The following IGSF9 variants were observed in gnomAD, a reference collection of about 807,000 sequenced individuals.
IGSF9 encodes protein turtle homolog A.
Under a neutral mutation model 121.7 loss-of-function variants are expected in IGSF9, and 87 were observed. The observed-to-expected ratio is 0.71, with a 90% CI of 0.60 to 0.85. The LOEUF is 0.85. IGSF9 is among the 40% of genes least tolerant of loss of function. The pLI, the probability that IGSF9 is intolerant of heterozygous loss-of-function variation, is 0.00. For synonymous variants in IGSF9, 640 were observed against 648.4 expected, an observed-to-expected ratio of 0.99 and a Z score of 0.20; for missense variants, 1,462 against 1,565.3, an observed-to-expected ratio of 0.93 and a Z score of 1.11.
Position 159,929,403 on chromosome 1 carries a change from C to G in IGSF9, c.2327-10G>C. The stretch of plus-strand genomic sequence containing the variant: ...AAGATAAGAGGTGGATCTGGAAGGG[C>G]ATGAGAATAGTAGGTGACACAGGCA... On this transcript the variant is annotated splice_polypyrimidine_tract_variant and intron_variant, in intron 17 of 20. Coordinates refer to ENST00000368094, the MANE Select transcript of IGSF9 (RefSeq NM_001135050.2). The G allele has an allele frequency of 1.2e-6, 2 of 1,614,056 alleles. No homozygotes were observed. The highest frequency in any genetic ancestry group is 1.7e-6 in the Non-Finnish European group (2 of 1,179,940).
rs890318742 is a variant in IGSF9 at position 159,929,736 on chromosome 1, A to G, written c.2228T>C (p.Val743Ala). The G allele has an allele frequency of 6.9e-6, 11 of 1,601,850 alleles. No individual in the cohort carries two copies. The highest frequency in any genetic ancestry group is 9.4e-6 in the Non-Finnish European group (11 of 1,175,252). ...AAGGACGGCCACTCCCAGAAAGCAG[A>G]CTCCGCCCACCACGCCGGCCAGCAC... is the stretch of plus-strand genomic sequence containing the variant. ...QPVLAGVVGG[V>A]CFLGVAVLVS... The change falls in exon 17 of 21, where the codon GTC becomes GCC. Residue 743 changes from valine to alanine, a missense_variant. Transcript: ENST00000368094.
chr1:159,929,088 T>C, intron 18 of IGSF9, 70 bp from the exon 19 acceptor site: 1 of 1,477,812 alleles, frequency 6.8e-7, no homozygotes, highest in Non-Finnish European at 9.0e-7. Flanking sequence ...GCGTCAGGCC[T>C]TGAGAGGTTT....
At chr1:159,937,543 A>C in intron 4 of IGSF9, 143 bp downstream of exon 4, 1 of 846,586 alleles carries the variant, frequency 1.2e-6, no homozygotes, top group Non-Finnish European at 1.9e-6. Flanking sequence ...AAGTGAGCAA[A>C]CAAGGGCTCT....
At chr1:159,942,150 A>G (rs1211191899) in intron 3 of IGSF9, among the ~76,000 whole-genome samples, 2 of 152,248 alleles carry the variant, frequency 1.3e-5, no homozygotes, top group Non-Finnish European at 2.9e-5. Context: ...GGCCTCCTGC[A>G]GACTGCCCTC....
Position 159,927,833 on chromosome 1 carries a change from G to A in IGSF9, c.3285C>T (p.Asp1095=). 2 of 1,613,420 alleles carry A rather than the reference G, an allele frequency of 1.2e-6. No individual in the cohort carries two copies. The highest frequency in any genetic ancestry group is 2.2e-5 in the East Asian group (1 of 44,840). The change falls in exon 20 of 21, where the codon GAC becomes GAT. Residue 1095 remains aspartate (D), a synonymous_variant. Transcript: ENST00000368094. The stretch of plus-strand genomic sequence containing the variant: ...GGTGCAAAGTCTCCAGCAATTCCAT[G>A]TCCCCAGGGAATTCTGAGTCCCACT... The part of the protein sequence containing the change: ...NYEWDSEFPG[D]MELLETLHLG...
chr1:159,929,156 G>A (rs12731176), intron 18 of IGSF9, 138 bp from the exon 19 acceptor site: 3 of 1,333,746 alleles, frequency 2.2e-6, no homozygotes, highest in Admixed American at 4.2e-5. Flanking sequence ...ACAAGGTGGA[G>A]GGGTGGAGGG....
chr1:159,928,921 G>C lies in IGSF9; in HGVS notation c.2467C>G (p.Pro823Ala), dbSNP rs753768758. The part of the protein sequence containing the change: ...SLRQSLLWGD[P>A]AGTPSPHPDP... The stretch of plus-strand genomic sequence containing the variant: ...GGGTGGGGGCTGGGAGTTCCGGCAG[G>C]ATCCCCCCAGAGCAGACTCTGGCGC... Residue 823 changes from proline to alanine, a missense_variant, in exon 19 of 21, where the codon CCT becomes GCT. Pro to Ala is a conservative substitution (Grantham distance 27). Transcript: ENST00000368094. 6.3e-7 allele frequency: 1 copy of C among 1,585,054 alleles called. No individual in the cohort carries two copies. Among genetic ancestry groups the C allele is most frequent in the African/African-American group, 1.4e-5 (1 of 73,792 alleles).
intron 6 of IGSF9, 98 bp from the exon 7 acceptor site, chr1:159,934,920 A>T: frequency 7.0e-7 from 1 of 1,431,758 alleles, no homozygotes; most frequent in Non-Finnish European, 9.6e-7. Flanking sequence ...GCTCTCTGGA[A>T]TCTTAGGGCT....
intron 2 of IGSF9, 32 bp from the exon 3 acceptor site, chr1:159,943,183 G>A (rs1368049956): frequency 2.6e-6 from 4 of 1,562,192 alleles, no homozygotes; most frequent in Non-Finnish European, 3.5e-6. Flanking sequence ...GGCACAACGG[G>A]GGGCTAGGGT....
At chr1:159,942,448 C>T (rs1338494365) in intron 3 of IGSF9, among the ~76,000 whole-genome samples, 1 of 152,136 alleles carries the variant, frequency 6.6e-6, no homozygotes, top group Admixed American at 6.5e-5. Flanking sequence ...AGAGAGGTCA[C>T]AGCCGCACCT....
chr1:159,927,613 G>A, intron 20 of IGSF9, 87 bp from the exon 21 acceptor site: 2 of 1,546,226 alleles, frequency 1.3e-6, no homozygotes, highest in Non-Finnish European at 1.8e-6. Flanking sequence ...GGCCCTTCCA[G>A]TACAGATGGC....
chr1:159,937,577 T>C (rs7526647), intron 4 of IGSF9, 109 bp downstream of exon 4: 508,974 of 1,251,390 alleles, frequency 0.41, 104,477 homozygotes, highest in East Asian at 0.49. Context: ...GCATCAGAGC[T>C]GTTTGTGGGA....
In IGSF9 at chr1:159,930,720, G is replaced by A. The variant is rs1650964357; in HGVS notation, c.1785C>T (p.Phe595=). The change falls in exon 14 of 21, where the codon TTC becomes TTT. Residue 595 remains phenylalanine (F), a synonymous_variant. Transcript: ENST00000368094. ...CCGGAGCAGACAAGACGATTTCGCT[G>A]AAGGGACCACTCCCCAGCTTGTTCT... ...LAQNKLGSGP[F]SEIVLSAPEG... 6.2e-7 allele frequency: 1 copy of A among 1,614,012 alleles called. No homozygotes were observed. Among genetic ancestry groups the A allele is most frequent in the African/African-American group, 1.3e-5 (1 of 74,920 alleles).
rs1651023567 is a variant in IGSF9 at position 159,932,188 on chromosome 1, A to G, written c.1246-260T>C. 5 of 567,400 alleles carry G rather than the reference A, an allele frequency of 8.8e-6. No homozygotes were observed. The East Asian group carries it at 1.5e-4, about 17-fold the overall frequency. 35.1% of individuals were successfully genotyped at this position (567,400 alleles called of 1,614,324 possible). A position where few individuals can be genotyped will look rare whatever the true frequency, so the allele number is the denominator to read the frequency against. On this transcript the variant is annotated intron_variant, in intron 10 of 20. Coordinates refer to ENST00000368094, the MANE Select transcript of IGSF9 (RefSeq NM_001135050.2). The surrounding 1 kb of genome is among the most constrained non-coding windows in gnomAD (Gnocchi z 4.1). The stretch of plus-strand genomic sequence containing the variant: ...GCTGGCAGGCTTAGGCAGGACTCTC[A>G]GAGATGTACAAACCTCTGCAGAACA...
At chr1:159,937,991 G>A (rs1651256016) in intron 3 of IGSF9, among the ~76,000 whole-genome samples, 153 bp from the exon 4 acceptor site, 1 of 152,150 alleles carries the variant, frequency 6.6e-6, no homozygotes, top group South Asian at 2.1e-4. Context: ...TGAGGTTGGG[G>A]TCATTCAGGA....
chr1:159,928,961 G>A lies in IGSF9; in HGVS notation c.2427C>T (p.Ser809=), dbSNP rs756415319. 7.2e-6 allele frequency: 11 copies of A among 1,526,622 alleles called. No individual in the cohort carries two copies. Among genetic ancestry groups the A allele is most frequent in the African/African-American group, 1.4e-5 (1 of 71,988 alleles). The allele number at this position is 1,526,622 out of a possible 1,614,324, so 94.6% of individuals were successfully genotyped here. A position where few individuals can be genotyped will look rare whatever the true frequency, so the allele number is the denominator to read the frequency against. ...GACTCTGGCGCAGGCTGGGGACTGG[G>A]GATCCCTGGAGCTTCAGCTTCGCCA... ...DSVAKLKLQG[S]PVPSLRQSLL... is the part of the protein sequence containing the mutation. The change falls in exon 19 of 21, where the codon TCC becomes TCT. Residue 809 remains serine, a synonymous_variant. Coordinates refer to ENST00000368094, the MANE Select transcript of IGSF9 (RefSeq NM_001135050.2).
At position 159,930,837 on chromosome 1, in the gene IGSF9, G is replaced by A. The variant is rs41264837; in HGVS notation, c.1668C>T (p.Asp556=). ...LAKRPDRMHH[D]WVSLAVPVGA... ...CCACAGGCACTGCCAAGGACACCCA[G>A]TCATGGTGCATTCGGTCAGGACGCT... Residue 556 remains aspartate (D), a synonymous_variant, in exon 14 of 21, where the codon GAC becomes GAT. Transcript: ENST00000368094. The A allele has an allele frequency of 3.6e-5, 58 of 1,611,894 alleles. No individual in the cohort carries two copies. The highest frequency in any genetic ancestry group is 4.6e-5 in the Non-Finnish European group (54 of 1,178,946).
chr1:159,939,841 G>A (rs1050002254), intron 3 of IGSF9, among the ~76,000 whole-genome samples: 5 of 152,106 alleles, frequency 3.3e-5, no homozygotes, highest in African/African-American at 4.8e-5. Flanking sequence ...TCCCCACCCC[G>A]GAGATAAGAC....
chr1:159,934,859 CCA>C, intron 6 of IGSF9, 37 bp from the exon 7 acceptor site: 3 of 1,612,062 alleles, frequency 1.9e-6, no homozygotes, highest in Non-Finnish European at 2.5e-6. Flanking sequence ...TGGCCTCAGC[CCA>C]CAGTCTTCCC....
Sources: allele counts gnomAD v4.1 joint callset (sites outside exome capture counted in the v4.1 genomes callset), GRCh38; gene constraint gnomAD v4.1.1; non-coding constraint Gnocchi (gnomAD v3.1); transcripts MANE v1.5; gene names NCBI Gene and HGNC (gene_info 2026-07-23, HGNC 2026-07-21).